DSCAM: variants seen among roughly 807,000 people sequenced by gnomAD.
The protein encoded by DSCAM is cell adhesion molecule DSCAM.
DSCAM carries 47 observed loss-of-function variants against 217.7 expected under a neutral mutation model. The observed-to-expected ratio is 0.22, with a 90% CI of 0.17 to 0.28. The LOEUF (loss-of-function observed/expected upper bound fraction) is 0.28, where lower values mean the gene tolerates loss of function less well. Ranked by LOEUF, DSCAM falls within the 10% of genes least tolerant of loss-of-function variation. DSCAM has a pLI of 1.00. For missense variants in DSCAM, 2,080 were observed against 2,618.3 expected (o/e 0.79, Z 4.49); for synonymous variants, 1,056 against 1,015.3 (o/e 1.04, Z -0.76).
chr21:40,503,445 T>C (rs1315642774), intron 3 of DSCAM, among the ~76,000 whole-genome samples: 1 of 152,230 alleles, frequency 6.6e-6, no homozygotes, highest in Non-Finnish European at 1.5e-5. Context: ...CCAGCTTTCC[T>C]GCATTATCAG....
chr21:40,021,733 TTC>T (rs1249279128), intron 32 of DSCAM, among the ~76,000 whole-genome samples: 1 of 152,224 alleles, frequency 6.6e-6, no homozygotes, highest in Non-Finnish European at 1.5e-5. Flanking sequence ...CAGCATTGAT[TTC>T]TCTCTCTTTC....
intron 3 of DSCAM, among the ~76,000 whole-genome samples, chr21:40,642,990 A>G (rs2089901653): frequency 6.6e-6 from 1 of 152,210 alleles, no homozygotes; most frequent in African/African-American, 2.4e-5. Flanking sequence ...TCTGGGATAC[A>G]TAGGCTGGGG....
At chr21:40,391,471 G>A (rs2075133596) in intron 3 of DSCAM, among the ~76,000 whole-genome samples, 1 of 152,210 alleles carries the variant, frequency 6.6e-6, no homozygotes, top group Admixed American at 6.5e-5. Context: ...GATACAATGT[G>A]CTTGAAAGTA....
At chr21:40,478,914 TAAAAC>T (rs2075959650) in intron 3 of DSCAM, among the ~76,000 whole-genome samples, 1 of 152,196 alleles carries the variant, frequency 6.6e-6, no homozygotes. Context: ...ATAGAACAAT[TAAAAC>T]AATATACTGT....
intron 3 of DSCAM, among the ~76,000 whole-genome samples, chr21:40,549,753 C>G (rs974144869): frequency 5.3e-5 from 8 of 152,132 alleles, no homozygotes; most frequent in African/African-American, 1.4e-4. Context: ...CGTTTGGAAA[C>G]CCCAGCTAAG....
rs143975443 is a variant in DSCAM at position 40,695,896 on chromosome 21, G to A, written c.362-2940C>T. On this transcript the variant is annotated intron_variant, in intron 2 of 32. Coordinates refer to ENST00000400454, the MANE Select transcript of DSCAM (RefSeq NM_001389.5). ...GTAATAGAGCATTGTTTGTTCCTGA[G>A]GCCTCCATAACTTAAGACACCAACA... Among the ~76,000 whole-genome samples, 307 of 152,080 alleles carry A rather than the reference G, an allele frequency of 2.0e-3. 1 individual carries two copies. Among genetic ancestry groups the A allele is most frequent in the Non-Finnish European group, 3.3e-3 (221 of 67,980 alleles).
chr21:40,749,966 T>C (rs1400636392), intron 1 of DSCAM, among the ~76,000 whole-genome samples: 2 of 151,850 alleles, frequency 1.3e-5, no homozygotes, highest in Non-Finnish European at 1.5e-5. Flanking sequence ...TGAGACATGT[T>C]ACCCAGGCTG....
chr21:40,826,942 G>A (rs1221606687), intron 1 of DSCAM, among the ~76,000 whole-genome samples: 2 of 152,100 alleles, frequency 1.3e-5, no homozygotes, highest in Non-Finnish European at 2.9e-5. Context: ...GGCATTTAAT[G>A]CCTTGACCTA....
At chr21:40,403,128 G>T (rs1027093197) in intron 3 of DSCAM, among the ~76,000 whole-genome samples, 4 of 152,058 alleles carry the variant, frequency 2.6e-5, no homozygotes, top group Admixed American at 6.6e-5. Context: ...TGCTTAACAC[G>T]CTCAATGATG....
At chr21:40,546,979 GC>G (rs2076588433) in intron 3 of DSCAM, among the ~76,000 whole-genome samples, 1 of 152,052 alleles carries the variant, frequency 6.6e-6, no homozygotes, top group Non-Finnish European at 1.5e-5. Flanking sequence ...GGGCAAGGGG[GC>G]TGAGAAGCAT....
intron 1 of DSCAM, among the ~76,000 whole-genome samples, chr21:40,803,986 A>C (rs2091764704): frequency 6.6e-6 from 1 of 152,144 alleles, no homozygotes; most frequent in Non-Finnish European, 1.5e-5. Context: ...TACTCTCAGG[A>C]CCCAGTCTTC....
At chr21:40,410,528 G>A (rs1054546004) in intron 3 of DSCAM, among the ~76,000 whole-genome samples, 1 of 151,738 alleles carries the variant, frequency 6.6e-6, no homozygotes, top group Non-Finnish European at 1.5e-5. Context: ...GATGCAATAA[G>A]TACCGTTAAT....
At chr21:40,646,852 C>T (rs2089953397) in intron 3 of DSCAM, among the ~76,000 whole-genome samples, 1 of 152,194 alleles carries the variant, frequency 6.6e-6, no homozygotes, top group Non-Finnish European at 1.5e-5. Context: ...AGCCTCCATG[C>T]CCTGCATGCA....
At chr21:40,237,094 C>T (rs2073090147) in intron 11 of DSCAM, among the ~76,000 whole-genome samples, 1 of 152,222 alleles carries the variant, frequency 6.6e-6, no homozygotes, top group African/African-American at 2.4e-5. Context: ...TTTCCTGTGG[C>T]TGCTGGAATA....
At chr21:40,219,310 T>C (rs956270315) in intron 11 of DSCAM, among the ~76,000 whole-genome samples, 1 of 152,176 alleles carries the variant, frequency 6.6e-6, no homozygotes, top group African/African-American at 2.4e-5. Context: ...CAACCTTGCA[T>C]CCTGGAGATA....
intron 3 of DSCAM, among the ~76,000 whole-genome samples, chr21:40,598,440 C>T (rs895487511): frequency 2.0e-5 from 3 of 148,080 alleles, no homozygotes; most frequent in Non-Finnish European, 4.4e-5. Flanking sequence ...TGCCAAGAAG[C>T]GTGATTGCTG....
At chr21:40,629,076 GGTGTGTGTGTGTGTGTGTGTGTGTGTGT>G (rs57351838) in intron 3 of DSCAM, among the ~76,000 whole-genome samples, 1 of 144,254 alleles carries the variant, frequency 6.9e-6, no homozygotes, top group African/African-American at 2.6e-5. Context: ...GTGTGTGTGT[GGTGTGTGTGTGTGTGTGTGTGTGTGTGT>G]GTGTGTGTGT....
chr21:40,572,196 G>T (rs2410255), intron 3 of DSCAM, among the ~76,000 whole-genome samples: 67,396 of 151,556 alleles, frequency 0.44, 15,946 homozygotes, highest in Admixed American at 0.55. Flanking sequence ...TGAAACAAAA[G>T]AATACAAAGA....
chr21:40,632,171 A>T (rs1391903777), intron 3 of DSCAM, among the ~76,000 whole-genome samples: 1 of 152,230 alleles, frequency 6.6e-6, no homozygotes, highest in Non-Finnish European at 1.5e-5. Context: ...CCCAGTGCTC[A>T]GGGGTTCATG....
Sources: gnomAD v4.1 joint callset for allele counts (sites outside exome capture counted in the v4.1 genomes callset) on GRCh38, gnomAD v4.1.1 for gene constraint, MANE v1.5 for transcripts, NCBI Gene and HGNC (gene_info 2026-07-23, HGNC 2026-07-21) for gene names.